Variants in RFX4 observed in about 807,000 individuals in gnomAD.
RFX4 encodes the protein transcription factor RFX4.
Under a neutral mutation model 95.0 loss-of-function variants are expected in RFX4, and 10 were observed. The ratio of observed to expected loss-of-function variants is 0.11; its 90% CI spans 0.06 to 0.18. RFX4 has a LOEUF of 0.18. RFX4 is among the 10% of genes least tolerant of loss of function. The pLI is 1.00. For synonymous variants in RFX4, 321 were observed against 340.7 expected, an observed-to-expected ratio of 0.94 and a Z score of 0.64; for missense variants, 640 against 922.0, an observed-to-expected ratio of 0.69 and a Z score of 3.96.
rs200073005 is a variant in RFX4, at chr12:106,641,368, ATAGGG to A, written c.191+1980_191+1984del. 9.3e-3 allele frequency among the ~76,000 whole-genome samples: 1,409 copies of A among 152,302 alleles called. 5 individuals are homozygous for A. Among genetic ancestry groups the A allele is most frequent in the Non-Finnish European group, 0.013 (913 of 68,026 alleles). On this transcript the variant is annotated intron_variant, in intron 3 of 17. Transcript: ENST00000392842. ...TGGGGATAGCAATAGTGTCTAGCTC[ATAGGG>A]TAGTCATGAAGATGAAATGAGTTGT...
chr12:106,605,393 C>T (rs2039808148), intron 1 of RFX4, among the ~76,000 whole-genome samples: 1 of 152,158 alleles, frequency 6.6e-6, no homozygotes, highest in Admixed American at 6.5e-5. Context: ...ATTGGAGATG[C>T]CACTCCTAAG....
chr12:106,627,377 A>G (rs1241684728), intron 2 of RFX4, among the ~76,000 whole-genome samples: 1 of 152,178 alleles, frequency 6.6e-6, no homozygotes, highest in Admixed American at 6.6e-5. Context: ...TCTACTAAAA[A>G]TGAAAAACTT....
intron 15 of RFX4, among the ~76,000 whole-genome samples, chr12:106,734,044 T>C (rs1371063905): frequency 6.6e-6 from 1 of 152,198 alleles, no homozygotes; most frequent in East Asian, 1.9e-4. Flanking sequence ...ACCTTGAAGA[T>C]AGTATGCTTA....
At chr12:106,640,305 C>A (rs193248038) in intron 3 of RFX4, among the ~76,000 whole-genome samples, 11 of 152,066 alleles carry the variant, frequency 7.2e-5, no homozygotes, top group East Asian at 1.9e-4. Context: ...CTCATGCTTG[C>A]GAAGAAAGGA....
chr12:106,755,486 T>C (rs2043092677), intron 17 of RFX4, among the ~76,000 whole-genome samples: 1 of 152,136 alleles, frequency 6.6e-6, no homozygotes, highest in Admixed American at 6.5e-5. Context: ...CAGACTCAAA[T>C]GCAAATCCTC....
intron 4 of RFX4, 80 bp from the exon 5 acceptor site, chr12:106,681,913 G>A: frequency 6.8e-7 from 1 of 1,464,592 alleles, no homozygotes; most frequent in Admixed American, 1.7e-5. Flanking sequence ...CCTCCCTTCT[G>A]TAGATGGCTA....
intron 2 of RFX4, among the ~76,000 whole-genome samples, chr12:106,613,370 T>C (rs2040001506): frequency 6.6e-6 from 1 of 151,502 alleles, no homozygotes; most frequent in Non-Finnish European, 1.5e-5. Context: ...GCATCAATTT[T>C]TTTTTTTTTT....
chr12:106,676,934 G>A (rs1044517683), intron 4 of RFX4, among the ~76,000 whole-genome samples: 7 of 152,190 alleles, frequency 4.6e-5, no homozygotes, highest in Admixed American at 3.3e-4. Flanking sequence ...GTAACATTGC[G>A]GTGGTAGAGT....
chr12:106,594,208 G>C (rs999762183), intron 1 of RFX4, among the ~76,000 whole-genome samples: 15 of 152,186 alleles, frequency 9.9e-5, no homozygotes, highest in African/African-American at 3.6e-4. Flanking sequence ...GTCTGCCTCA[G>C]AAAGCTCTGG....
chr12:106,761,551 C>CA lies in RFX4; in HGVS notation c.*82_*83insA, dbSNP rs2043208867. The CA allele has an allele frequency of 9.4e-7, 1 of 1,062,342 alleles. No individual in the cohort carries two copies. Among genetic ancestry groups the CA allele is most frequent in the East Asian group, 3.6e-5 (1 of 27,990 alleles). 65.8% of individuals were successfully genotyped at this position (1,062,342 alleles called of 1,614,324 possible). On this transcript the variant is annotated 3_prime_UTR_variant, in exon 18 of 18. Transcript: ENST00000392842. ...AACCCAACACCCATCCCCCAGAAGACTTTATCTCTATACATTGTAACTCAT... is the reference window on the plus strand; with the variant it reads ...AACCCAACACCCATCCCCCAGAAGACATTTATCTCTATACATTGTAACTCAT...
chr12:106,739,110 A>C (rs2042762375), intron 15 of RFX4, among the ~76,000 whole-genome samples: 2 of 151,558 alleles, frequency 1.3e-5, no homozygotes. Context: ...TCAATTTCGT[A>C]AAAAGGACCA....
Position 106,696,465 on chromosome 12 carries a change from G to A in RFX4, c.833+19G>A. ...CTGACAGGTGGGCATGCTTATTCTT[G>A]TCTTCCTTCACGGCTGGTCCACAGA... On this transcript the variant is annotated intron_variant, in intron 8 of 17. Transcript: ENST00000392842. The A allele has an allele frequency of 6.2e-7, 1 of 1,613,692 alleles. No homozygotes were observed. Among genetic ancestry groups the A allele is most frequent in the Non-Finnish European group, 8.5e-7 (1 of 1,179,846 alleles).
At position 106,747,419 on chromosome 12, in the gene RFX4, C is replaced by T; in HGVS notation, c.1634-18C>T. The T allele has an allele frequency of 6.2e-7, 1 of 1,610,362 alleles. No individual in the cohort carries two copies. The highest frequency in any genetic ancestry group is 8.5e-7 in the Non-Finnish European group (1 of 1,177,062). Reference sequence around the variant, plus strand: ...TGAGAACTGTTAATGATCAAGACGTCTTAATTTGTCTCTGCAGGAGCAATG... The same window carrying T: ...TGAGAACTGTTAATGATCAAGACGTTTTAATTTGTCTCTGCAGGAGCAATG... On this transcript the variant is annotated intron_variant, in intron 15 of 17. Transcript: ENST00000392842.
At chr12:106,700,296 C>T (rs557695603) in intron 8 of RFX4, among the ~76,000 whole-genome samples, 24 of 151,822 alleles carry the variant, frequency 1.6e-4, no homozygotes, top group Admixed American at 5.2e-4. Context: ...TCTCCCAACG[C>T]GTTGGGATTA....
At chr12:106,668,550 G>A (rs1240428243) in intron 4 of RFX4, among the ~76,000 whole-genome samples, 1 of 152,166 alleles carries the variant, frequency 6.6e-6, no homozygotes, top group African/African-American at 2.4e-5. Context: ...GGGCAACACA[G>A]CGAGAGCCCC....
At chr12:106,703,240 A>AT (rs1425986749) in intron 8 of RFX4, among the ~76,000 whole-genome samples, 1 of 152,178 alleles carries the variant, frequency 6.6e-6, no homozygotes, top group Non-Finnish European at 1.5e-5. Context: ...AAGAAAAGTT[A>AT]TAATTTTGTA....
intron 5 of RFX4, chr12:106,682,524 C>T (rs2041536315): frequency 6.4e-6 from 1 of 156,882 alleles, no homozygotes; most frequent in Non-Finnish European, 1.4e-5. Context: ...TCCCATTCAT[C>T]AGTTTCATCA....
intron 2 of RFX4, among the ~76,000 whole-genome samples, chr12:106,629,454 G>A (rs2040371644): frequency 6.6e-6 from 1 of 152,012 alleles, no homozygotes; most frequent in African/African-American, 2.4e-5. Flanking sequence ...GGAAGCCCTG[G>A]GTTTTGTTTG....
chr12:106,643,220 G>C (rs1308929677), intron 3 of RFX4, among the ~76,000 whole-genome samples: 1 of 152,302 alleles, frequency 6.6e-6, no homozygotes, highest in Admixed American at 6.5e-5. Context: ...TCCCAGTAGG[G>C]GGAACAATGT....
Sources: gnomAD v4.1 joint callset for allele counts (sites outside exome capture counted in the v4.1 genomes callset) on GRCh38, gnomAD v4.1.1 for gene constraint, MANE v1.5 for transcripts, NCBI Gene and HGNC (gene_info 2026-07-23, HGNC 2026-07-21) for gene names.